The following SPSB4 variants were observed in gnomAD, a reference collection of about 807,000 sequenced individuals.
The protein encoded by SPSB4 is splA/ryanodine receptor domain and SOCS box containing 4, also known as SPRY domain-containing SOCS box protein 4.
Under a neutral mutation model 20.9 loss-of-function variants are expected in SPSB4, and 21 were observed. The ratio of observed to expected loss-of-function variants is 1.01; its 90% CI spans 0.71 to 1.45. The LOEUF is 1.45. SPSB4 is among the 40% of genes most tolerant of loss of function. The pLI is 0.00. For missense variants in SPSB4, 399 were observed against 399.2 expected, an observed-to-expected ratio of 1.00 and a Z score of 0.00; for synonymous variants, 207 against 183.8, an observed-to-expected ratio of 1.13 and a Z score of -1.02.
chr3:141,130,168 G>A (rs750060276), intron 2 of SPSB4, among the ~76,000 whole-genome samples: 7 of 152,336 alleles, frequency 4.6e-5, no homozygotes, highest in Non-Finnish European at 8.8e-5. Flanking sequence ...TTGACAATTT[G>A]CATGATTAAG....
chr3:141,116,343 C>T (rs1315829157), intron 2 of SPSB4, among the ~76,000 whole-genome samples: 1 of 152,200 alleles, frequency 6.6e-6, no homozygotes, highest in Non-Finnish European at 1.5e-5. Flanking sequence ...TAGTTGCTGC[C>T]CCCCACTAGG....
intron 2 of SPSB4, among the ~76,000 whole-genome samples, chr3:141,068,641 C>T (rs967109511): frequency 1.3e-5 from 2 of 152,102 alleles, no homozygotes; most frequent in African/African-American, 4.8e-5. Flanking sequence ...GTATCAGGTC[C>T]CCTTTTTGCT....
At chr3:141,094,026 A>G (rs1206409484) in intron 2 of SPSB4, among the ~76,000 whole-genome samples, 6 of 152,066 alleles carry the variant, frequency 3.9e-5, no homozygotes, top group Admixed American at 6.5e-5. Flanking sequence ...CCCGGCAGGC[A>G]AATTCCCAGC....
At chr3:141,062,935 A>G (rs1010219757) in intron 1 of SPSB4, among the ~76,000 whole-genome samples, 4 of 149,528 alleles carry the variant, frequency 2.7e-5, no homozygotes, top group African/African-American at 1.0e-4. Context: ...TCTTTACTTA[A>G]TTTTGGTCCA....
intron 2 of SPSB4, among the ~76,000 whole-genome samples, chr3:141,121,807 A>T (rs187140577): frequency 2.0e-5 from 3 of 152,272 alleles, no homozygotes; most frequent in African/African-American, 7.2e-5. Flanking sequence ...CTAGTTAGCC[A>T]TTTGTCTAAC....
Position 141,066,197 on chromosome 3 carries a change from C to T in SPSB4, c.93C>T (p.Pro31=), listed in dbSNP as rs1425570931. The part of the protein sequence containing the change: ...PAKRELRGAE[P]GRPARLDQLL... ...AGCGGGAGCTGCGGGGTGCAGAGCC[C>T]GGGCGGCCGGCGCGGCTGGACCAGC... The change falls in exon 2 of 3, where the codon CCC becomes CCT. Residue 31 remains proline (P), a synonymous_variant. Transcript: ENST00000310546. 6 of 1,530,258 alleles carry T rather than the reference C, an allele frequency of 3.9e-6. No homozygotes were observed. In the African/African-American group the frequency reaches 5.7e-5, roughly 14 times the overall value. The allele number at this position is 1,530,258 out of a possible 1,614,324, so 94.8% of individuals were successfully genotyped here. A position where few individuals can be genotyped will look rare whatever the true frequency, so the allele number is the denominator to read the frequency against.
chr3:141,100,504 G>C (rs1448395070), intron 2 of SPSB4, among the ~76,000 whole-genome samples: 1 of 152,208 alleles, frequency 6.6e-6, no homozygotes, highest in Non-Finnish European at 1.5e-5. Context: ...GCATGGAACA[G>C]ATTCTCTCTC....
At chr3:141,110,585 T>C (rs753849229) in intron 2 of SPSB4, among the ~76,000 whole-genome samples, 17 of 152,266 alleles carry the variant, frequency 1.1e-4, no homozygotes, top group Non-Finnish European at 2.4e-4. Flanking sequence ...CCATATTGTG[T>C]GCTCATTGCT....
rs1576543912 is a variant in SPSB4, at chr3:141,138,444, T to C, written c.695-8698T>C. Reference sequence around the variant, plus strand: ...GTGATGTTAGGGTGTCAATTTTAGATCTTACCTGCTTTCTCTTGTGGGCAT... The same window carrying C: ...GTGATGTTAGGGTGTCAATTTTAGACCTTACCTGCTTTCTCTTGTGGGCAT... On this transcript the variant is annotated intron_variant, in intron 2 of 2. Transcript: ENST00000310546. 3.3e-5 allele frequency among the ~76,000 whole-genome samples: 5 copies of C among 152,344 alleles called. No individual in the cohort carries two copies. In the South Asian group the frequency reaches 8.3e-4, roughly 25 times the overall value.
chr3:141,072,395 G>T (rs1358793889), intron 2 of SPSB4, among the ~76,000 whole-genome samples: 1 of 152,190 alleles, frequency 6.6e-6, no homozygotes, highest in South Asian at 2.1e-4. Flanking sequence ...TGGAGGTGGG[G>T]GTTGGTGGGA....
intron 1 of SPSB4, among the ~76,000 whole-genome samples, chr3:141,053,123 C>T (rs998953845): frequency 6.6e-6 from 1 of 152,000 alleles, no homozygotes; most frequent in Non-Finnish European, 1.5e-5. Context: ...TCTTCTGCGC[C>T]CCACTCTCCT....
intron 2 of SPSB4, among the ~76,000 whole-genome samples, chr3:141,077,921 C>G (rs543323280): frequency 1.3e-5 from 2 of 152,344 alleles, no homozygotes; most frequent in African/African-American, 4.8e-5. Flanking sequence ...CTCAGGCACC[C>G]CATCACTGCA....
chr3:141,063,948 T>C (rs1937814995), intron 1 of SPSB4, among the ~76,000 whole-genome samples: 2 of 152,250 alleles, frequency 1.3e-5, no homozygotes, highest in Non-Finnish European at 2.9e-5. Flanking sequence ...TTCAGAGCCC[T>C]CCTCTCACTC....
At chr3:141,094,300 A>G (rs1938510771) in intron 2 of SPSB4, among the ~76,000 whole-genome samples, 1 of 152,312 alleles carries the variant, frequency 6.6e-6, no homozygotes, top group South Asian at 2.1e-4. Context: ...GGCTCAGAGC[A>G]GGTGCATGGG....
intron 2 of SPSB4, among the ~76,000 whole-genome samples, chr3:141,145,059 AG>A (rs1336017400): frequency 6.6e-6 from 1 of 152,154 alleles, no homozygotes; most frequent in Non-Finnish European, 1.5e-5. Context: ...GTGAGCGATC[AG>A]CCTTCTGCAC....
intron 2 of SPSB4, among the ~76,000 whole-genome samples, chr3:141,067,019 A>C (rs563507827): frequency 6.6e-6 from 1 of 152,228 alleles, no homozygotes; most frequent in African/African-American, 2.4e-5. Flanking sequence ...TCTAGCTCAC[A>C]GTTGTAACGA....
At chr3:141,069,590 A>G (rs1299542260) in intron 2 of SPSB4, among the ~76,000 whole-genome samples, 1 of 152,232 alleles carries the variant, frequency 6.6e-6, no homozygotes, top group Non-Finnish European at 1.5e-5. Context: ...CCACAGGATC[A>G]TAGGAGGAGA....
intron 2 of SPSB4, among the ~76,000 whole-genome samples, chr3:141,079,893 G>A (rs1938194686): frequency 6.6e-6 from 1 of 152,128 alleles, no homozygotes; most frequent in Admixed American, 6.5e-5. Context: ...CAACAGGCAA[G>A]CCCATGGCTG....
At chr3:141,093,146 G>A (rs1938487380) in intron 2 of SPSB4, among the ~76,000 whole-genome samples, 1 of 152,070 alleles carries the variant, frequency 6.6e-6, no homozygotes, top group Non-Finnish European at 1.5e-5. Context: ...GGCAGCTGCA[G>A]GGATGTGGGA....
Sources: gnomAD v4.1 joint callset for allele counts (sites outside exome capture counted in the v4.1 genomes callset) on GRCh38, gnomAD v4.1.1 for gene constraint, MANE v1.5 for transcripts, NCBI Gene and HGNC (gene_info 2026-07-23, HGNC 2026-07-21) for gene names.